Variants in DOCK6 observed in about 807,000 individuals in gnomAD.
The protein encoded by DOCK6 is dedicator of cytokinesis 6, also known as dedicator of cytokinesis protein 6.
In DOCK6, 167 loss-of-function variants were observed where a neutral mutation model predicts 230.3. The ratio of observed to expected loss-of-function variants is 0.73; its 90% CI spans 0.64 to 0.82. DOCK6 has a LOEUF of 0.82. DOCK6 is among the 40% of genes least tolerant of loss of function. The probability of loss-of-function intolerance (pLI) is 0.00; values close to 1 mark genes in which losing one functional copy is unlikely to be tolerated. For synonymous variants in DOCK6, 1,148 were observed against 1,185.0 expected (o/e 0.97, Z 0.64); for missense variants, 2,598 against 2,825.8 (o/e 0.92, Z 1.83).
chr19:11,205,529 G>C (rs933592537), intron 39 of DOCK6, among the ~76,000 whole-genome samples: 1 of 152,034 alleles, frequency 6.6e-6, no homozygotes, highest in Non-Finnish European at 1.5e-5. Flanking sequence ...ATTTTTAGTA[G>C]AGACGGGGTT....
At chr19:11,256,415 C>G (rs866904262) in intron 1 of DOCK6, among the ~76,000 whole-genome samples, 2 of 152,098 alleles carry the variant, frequency 1.3e-5, no homozygotes, top group African/African-American at 4.8e-5. Context: ...GGGAAAACGC[C>G]GGGTCTGCAA....
intron 14 of DOCK6, chr19:11,239,893 G>A: frequency 6.3e-7 from 1 of 1,593,912 alleles, no homozygotes. Context: ...CCGGGGCCGG[G>A]ATGCAGCCCA....
chr19:11,204,045 C>T, intron 41 of DOCK6, 36 bp downstream of exon 41: 1 of 1,549,264 alleles, frequency 6.5e-7, no homozygotes, highest in Non-Finnish European at 8.7e-7. Context: ...CACGGGGGTC[C>T]CAGAGGCAGG....
intron 13 of DOCK6, among the ~76,000 whole-genome samples, chr19:11,242,454 C>T (rs1390929055): frequency 3.9e-5 from 6 of 151,956 alleles, no homozygotes; most frequent in African/African-American, 1.2e-4. Context: ...TGCAGTGGGG[C>T]GATCTCGGCT....
Position 11,243,414 on chromosome 19 carries a change from G to C in DOCK6, c.1259-29C>G, listed in dbSNP as rs777031191. The C allele has an allele frequency of 5.0e-6, 8 of 1,595,352 alleles. No individual in the cohort carries two copies. The Admixed American group carries it at 1.4e-4, about 28-fold the overall frequency. Reference sequence around the variant, plus strand: ...GGGGAGGGAATGACAATGACAAAAGGGGGACCAAGATGAAACAGGGAGACT... The same window carrying C: ...GGGGAGGGAATGACAATGACAAAAGCGGGACCAAGATGAAACAGGGAGACT... On this transcript the variant is annotated intron_variant, in intron 11 of 47. Transcript: ENST00000294618. The surrounding 1 kb of genome is among the most constrained non-coding windows in gnomAD (Gnocchi z 6.3).
At chr19:11,237,980 T>C in intron 16 of DOCK6, 65 bp downstream of exon 16, 1 of 1,547,856 alleles carries the variant, frequency 6.5e-7, no homozygotes, top group Admixed American at 1.8e-5. Context: ...CTTATGTGTA[T>C]ATATAAGGGA....
At chr19:11,211,113 C>G (rs894899445) in intron 37 of DOCK6, among the ~76,000 whole-genome samples, 2 of 151,990 alleles carry the variant, frequency 1.3e-5, no homozygotes, top group African/African-American at 4.8e-5. Flanking sequence ...CACCTGTCTC[C>G]TCGCTTATCC....
At chr19:11,259,985 G>A (rs1036366885) in intron 1 of DOCK6, among the ~76,000 whole-genome samples, 5 of 149,576 alleles carry the variant, frequency 3.3e-5, no homozygotes, top group Non-Finnish European at 5.9e-5. Context: ...CTGGGTTCAA[G>A]TGATCCTCCT....
intron 22 of DOCK6, among the ~76,000 whole-genome samples, chr19:11,230,877 G>T (rs983216959): frequency 1.8e-4 from 28 of 152,084 alleles, no homozygotes; most frequent in Non-Finnish European, 1.2e-4. Flanking sequence ...CTGGTTAGGG[G>T]GTGAGGCTGC....
Position 11,201,533 on chromosome 19 carries a change from G to T in DOCK6, c.5688+356C>A, listed in dbSNP as rs2079168576. Among the ~76,000 whole-genome samples the T allele has an allele frequency of 6.6e-6, 1 of 151,646 alleles. No individual in the cohort carries two copies. The highest frequency in any genetic ancestry group is 1.5e-5 in the Non-Finnish European group (1 of 67,904). ...TTCAGTTTAGAGATTGGAATGCAGG[G>T]TCTCCATATCTTCTCAGCCCAGTTC... On this transcript the variant is annotated intron_variant, in intron 44 of 47. Coordinates refer to ENST00000294618, the MANE Select transcript of DOCK6 (RefSeq NM_020812.4). The surrounding 1 kb of genome is among the most constrained non-coding windows in gnomAD (Gnocchi z 4.3).
rs1472701909 is a variant in DOCK6, at chr19:11,236,026, A to G, written c.2393-267T>C. 2 of 497,654 alleles carry G rather than the reference A, an allele frequency of 4.0e-6. No individual in the cohort carries two copies. The highest frequency in any genetic ancestry group is 3.6e-5 in the East Asian group (1 of 28,146). 30.8% of individuals were successfully genotyped at this position (497,654 alleles called of 1,614,324 possible). On this transcript the variant is annotated intron_variant, in intron 20 of 47. Transcript: ENST00000294618. This position sits in a 1 kb window ranked among gnomAD's most constrained non-coding sequence, Gnocchi z 5.2. ...CTCCCGAGTAGCTGGGATTACAGGC[A>G]TGCGCCACCACGCCCAGCTAATTTT...
intron 14 of DOCK6, chr19:11,240,082 G>A: frequency 1.9e-6 from 3 of 1,550,232 alleles, no homozygotes; most frequent in South Asian, 1.2e-5. Context: ...AAGTCCTTAG[G>A]TACACAAAGA....
At chr19:11,233,996 A>G (rs2079809323) in intron 21 of DOCK6, among the ~76,000 whole-genome samples, 1 of 151,340 alleles carries the variant, frequency 6.6e-6, no homozygotes, top group Admixed American at 6.6e-5. Flanking sequence ...CACCATGCTC[A>G]GCTAATTTTT....
chr19:11,213,868 C>T (rs1252233674), intron 34 of DOCK6, among the ~76,000 whole-genome samples: 1 of 150,288 alleles, frequency 6.7e-6, no homozygotes, highest in East Asian at 2.0e-4. Context: ...ACGATCATGG[C>T]TCACTGTAGG....
rs1220450727 is a variant in DOCK6 at position 11,236,609 on chromosome 19, G to A, written c.2161-32C>T. The A allele has an allele frequency of 6.5e-6, 10 of 1,540,888 alleles. No individual in the cohort carries two copies. The African/African-American group carries it at 1.1e-4, about 17-fold the overall frequency. On this transcript the variant is annotated intron_variant, in intron 19 of 47. Coordinates refer to ENST00000294618, the MANE Select transcript of DOCK6 (RefSeq NM_020812.4). This position sits in a 1 kb window ranked among gnomAD's most constrained non-coding sequence, Gnocchi z 5.2. Reference sequence around the variant, plus strand: ...AGGGATGTGGAGTGAGCAGGGTGGGGCCTCAGGGAATGAAGACCACCCCTG... The same window carrying A: ...AGGGATGTGGAGTGAGCAGGGTGGGACCTCAGGGAATGAAGACCACCCCTG...
intron 41 of DOCK6, chr19:11,203,784 C>CAAG (rs950616825): frequency 3.7e-6 from 2 of 541,464 alleles, no homozygotes; most frequent in Non-Finnish European, 6.5e-6. Context: ...ATGAGGGAGT[C>CAAG]AAGAGTCACC....
At chr19:11,207,060 C>T (rs1243479382) in intron 39 of DOCK6, among the ~76,000 whole-genome samples, 1 of 152,094 alleles carries the variant, frequency 6.6e-6, no homozygotes, top group Admixed American at 6.5e-5. Context: ...TTCTTGAACT[C>T]CTGACCTCGT....
chr19:11,243,060 A>G lies in DOCK6; in HGVS notation c.1479T>C (p.Thr493=). 3 of 1,613,910 alleles carry G rather than the reference A, an allele frequency of 1.9e-6. No individual in the cohort carries two copies. The highest frequency in any genetic ancestry group is 1.1e-5 in the South Asian group (1 of 91,082). ...SSLLRRLRPV[T]AQLKIDISPA... ...TTGTGTATGGGGTGTGCCACGCACC[A>G]GTCACAGGACGTAGTCGCCGCAGCA... The change falls in exon 13 of 48, where the codon ACT becomes ACC. Residue 493 remains threonine, a splice_region_variant and synonymous_variant. Coordinates refer to ENST00000294618, the MANE Select transcript of DOCK6 (RefSeq NM_020812.4). The surrounding 1 kb of genome is among the most constrained non-coding windows in gnomAD (Gnocchi z 6.3).
rs376869839 is a variant in DOCK6, at chr19:11,241,763, A to T, written c.1643+282T>A. 99 of 1,547,372 alleles carry T rather than the reference A, an allele frequency of 6.4e-5. 1 individual carries two copies. The highest frequency in any genetic ancestry group is 6.1e-4 in the East Asian group (25 of 40,932). Reference sequence around the variant, plus strand: ...CGCCCCGTGAGGCCCCTGTGCAGGGAGGAGCTGCCTGTTCACTGGGATCAG... The same window carrying T: ...CGCCCCGTGAGGCCCCTGTGCAGGGTGGAGCTGCCTGTTCACTGGGATCAG... On this transcript the variant is annotated intron_variant, in intron 14 of 47. Transcript: ENST00000294618.
Sources: allele counts gnomAD v4.1 joint callset (sites outside exome capture counted in the v4.1 genomes callset), GRCh38; gene constraint gnomAD v4.1.1; non-coding constraint Gnocchi (gnomAD v3.1); transcripts MANE v1.5; gene names NCBI Gene and HGNC (gene_info 2026-07-23, HGNC 2026-07-21).